Variants in ZFAND3 observed in about 807,000 individuals in gnomAD.
The protein encoded by ZFAND3 is zinc finger AN1-type containing 3, also known as AN1-type zinc finger protein 3.
ZFAND3 carries 10 observed loss-of-function variants against 29.6 expected under a neutral mutation model. The ratio of observed to expected loss-of-function variants is 0.34; its 90% CI spans 0.21 to 0.57. The LOEUF is 0.57. ZFAND3 is among the 20% of genes least tolerant of loss of function. The probability of loss-of-function intolerance (pLI) is 0.86; values close to 1 mark genes in which losing one functional copy is unlikely to be tolerated. For missense variants in ZFAND3, 230 were observed against 304.5 expected (o/e 0.76, Z 1.82); for synonymous variants, 128 against 112.6 (o/e 1.14, Z -0.87).
intron 4 of ZFAND3, among the ~76,000 whole-genome samples, chr6:38,093,398 G>T (rs1205781522): frequency 6.6e-6 from 1 of 152,148 alleles, no homozygotes; most frequent in Admixed American, 6.5e-5. Context: ...ACTATTTTCA[G>T]TTTCTGATGA....
chr6:37,821,262 CAAA>C (rs1271369774), intron 1 of ZFAND3, among the ~76,000 whole-genome samples: 1 of 152,194 alleles, frequency 6.6e-6, no homozygotes, highest in African/African-American at 2.4e-5. Context: ...AAGGTTATGA[CAAA>C]GAAGTGGATT....
At chr6:37,859,862 G>GTTTTTTTTT (rs55850662) in intron 1 of ZFAND3, among the ~76,000 whole-genome samples, 323 of 133,116 alleles carry the variant, frequency 2.4e-3, no homozygotes, top group Non-Finnish European at 3.8e-3. Context: ...GCTGGAGTGG[G>GTTTTTTTTT]TTTTTTTTTT....
At chr6:38,068,865 C>T (rs184228443) in intron 3 of ZFAND3, among the ~76,000 whole-genome samples, 36 of 152,248 alleles carry the variant, frequency 2.4e-4, no homozygotes, top group Admixed American at 8.5e-4. Flanking sequence ...CGTACTCCAC[C>T]TCTGGTTAAA....
chr6:38,031,712 GTTAA>G (rs991141854), intron 2 of ZFAND3, among the ~76,000 whole-genome samples: 3 of 152,080 alleles, frequency 2.0e-5, no homozygotes, highest in Non-Finnish European at 2.9e-5. Flanking sequence ...AGTTTTGTTG[GTTAA>G]TTGAGATAAC....
At chr6:38,104,906 A>G (rs1002685549) in intron 4 of ZFAND3, among the ~76,000 whole-genome samples, 1 of 152,204 alleles carries the variant, frequency 6.6e-6, no homozygotes, top group Non-Finnish European at 1.5e-5. Context: ...CTTATGGGAA[A>G]GCAGAAGTAG....
At chr6:37,978,297 A>G (rs1240596378) in intron 2 of ZFAND3, among the ~76,000 whole-genome samples, 2 of 152,226 alleles carry the variant, frequency 1.3e-5, no homozygotes, top group Admixed American at 6.5e-5. Flanking sequence ...ATTTTGGGAT[A>G]AATTCCGTTT....
chr6:38,050,593 AG>A, intron 2 of ZFAND3, among the ~76,000 whole-genome samples: 1 of 152,164 alleles, frequency 6.6e-6, no homozygotes, highest in South Asian at 2.1e-4. Context: ...CTTGTGTAGA[AG>A]GACATGTTTG....
chr6:38,001,212 T>C (rs1408696065), intron 2 of ZFAND3, among the ~76,000 whole-genome samples: 3 of 152,246 alleles, frequency 2.0e-5, no homozygotes, highest in African/African-American at 4.8e-5. Context: ...AGTTACTTTC[T>C]CTTGACCTGG....
At chr6:37,971,519 C>T (rs1762386790) in intron 2 of ZFAND3, among the ~76,000 whole-genome samples, 1 of 152,188 alleles carries the variant, frequency 6.6e-6, no homozygotes, top group Non-Finnish European at 1.5e-5. Context: ...ACTCTTCATT[C>T]ATTCTAGTCA....
chr6:38,152,815 C>G lies in ZFAND3; in HGVS notation c.*426C>G. 1 of 987,128 alleles carries G rather than the reference C, an allele frequency of 1.0e-6. No individual in the cohort carries two copies. Among genetic ancestry groups the G allele is most frequent in the Non-Finnish European group, 1.2e-6 (1 of 830,850 alleles). The allele number at this position is 987,128 out of a possible 1,614,324, so 61.1% of individuals were successfully genotyped here. ...GCCAGAAACTCTGTTTAATGATCGGCCTTTCACCTCTTCACTTATCCTTAG... is the reference window on the plus strand; with the variant it reads ...GCCAGAAACTCTGTTTAATGATCGGGCTTTCACCTCTTCACTTATCCTTAG... On this transcript the variant is annotated 3_prime_UTR_variant, in exon 6 of 6. Coordinates refer to ENST00000287218, the MANE Select transcript of ZFAND3 (RefSeq NM_021943.3).
chr6:37,890,761 G>A (rs545088823), intron 1 of ZFAND3, among the ~76,000 whole-genome samples: 1 of 152,282 alleles, frequency 6.6e-6, no homozygotes, highest in South Asian at 2.1e-4. Context: ...GTATTGTAGA[G>A]TTCTTGATAA....
intron 1 of ZFAND3, among the ~76,000 whole-genome samples, chr6:37,822,156 A>G (rs1309079145): frequency 2.0e-5 from 3 of 152,190 alleles, no homozygotes; most frequent in Non-Finnish European, 2.9e-5. Context: ...TTTAGCCGGT[A>G]GGGTTCTGAT....
At chr6:38,149,502 G>A (rs775675035) in intron 5 of ZFAND3, among the ~76,000 whole-genome samples, 7 of 152,064 alleles carry the variant, frequency 4.6e-5, no homozygotes, top group Non-Finnish European at 8.8e-5. Context: ...TTTTGGGCTG[G>A]TAGAGGGAAT....
At chr6:38,078,670 A>C (rs1764598774) in intron 3 of ZFAND3, among the ~76,000 whole-genome samples, 1 of 152,222 alleles carries the variant, frequency 6.6e-6, no homozygotes. Context: ...TAATGGTTTT[A>C]ATTGTTCTGT....
intron 5 of ZFAND3, among the ~76,000 whole-genome samples, chr6:38,148,954 G>A (rs1766165916): frequency 6.6e-6 from 1 of 152,142 alleles, no homozygotes; most frequent in South Asian, 2.1e-4. Flanking sequence ...GCCCTCCAGA[G>A]TTTCCCCCAA....
At chr6:37,965,508 C>T (rs143374659) in intron 2 of ZFAND3, among the ~76,000 whole-genome samples, 2 of 152,210 alleles carry the variant, frequency 1.3e-5, no homozygotes, top group African/African-American at 4.8e-5. Flanking sequence ...ACATCTGAGA[C>T]CTCTGGAATT....
intron 4 of ZFAND3, among the ~76,000 whole-genome samples, chr6:38,106,468 C>T (rs753487498): frequency 5.7e-4 from 86 of 152,134 alleles, no homozygotes; most frequent in Non-Finnish European, 8.8e-4. Flanking sequence ...ACATTCTTAA[C>T]GGCAGGCCTA....
At chr6:38,032,217 TATA>T (rs1190398500) in intron 2 of ZFAND3, among the ~76,000 whole-genome samples, 1 of 152,210 alleles carries the variant, frequency 6.6e-6, no homozygotes, top group Admixed American at 6.5e-5. Context: ...ATTACTGTAA[TATA>T]ATCAATATAA....
At chr6:37,922,397 T>C (rs568064419) in intron 1 of ZFAND3, among the ~76,000 whole-genome samples, 1 of 151,748 alleles carries the variant, frequency 6.6e-6, no homozygotes, top group Admixed American at 6.5e-5. Flanking sequence ...ACACATGTTT[T>C]TGAAGAATAT....
Sources: gnomAD v4.1 joint callset for allele counts (sites outside exome capture counted in the v4.1 genomes callset) on GRCh38, gnomAD v4.1.1 for gene constraint, MANE v1.5 for transcripts, NCBI Gene and HGNC (gene_info 2026-07-23, HGNC 2026-07-21) for gene names.